Variants in STK33 observed in about 807,000 individuals in gnomAD.
STK33 encodes serine/threonine kinase 33.
In STK33, 52 loss-of-function variants were observed where a neutral mutation model predicts 58.0. The observed-to-expected ratio is 0.90, with a 90% CI of 0.72 to 1.13. STK33 has a LOEUF of 1.13. STK33 is among the 50% of genes most tolerant of loss of function. The pLI is 0.00. For synonymous variants in STK33, 215 were observed against 200.1 expected (o/e 1.07, Z -0.63); for missense variants, 630 against 604.2 (o/e 1.04, Z -0.45).
chr11:8,532,542 A>C (rs185834385), intron 1 of STK33, among the ~76,000 whole-genome samples: 1 of 152,224 alleles, frequency 6.6e-6, no homozygotes, highest in Non-Finnish European at 1.5e-5. Context: ...TCCAAACTTA[A>C]GCAGACTTTT....
chr11:8,448,614 C>T (rs1342477695), intron 11 of STK33, among the ~76,000 whole-genome samples: 6 of 152,114 alleles, frequency 3.9e-5, no homozygotes, highest in Non-Finnish European at 8.8e-5. Flanking sequence ...CTTCCTTACA[C>T]CTTATATAAA....
intron 1 of STK33, among the ~76,000 whole-genome samples, chr11:8,583,196 C>G (rs2030742965): frequency 6.6e-6 from 1 of 152,172 alleles, no homozygotes; most frequent in South Asian, 2.1e-4. Flanking sequence ...AGAAAATGAT[C>G]ATGTGTCCCC....
At chr11:8,491,576 T>C (rs1242361244) in intron 1 of STK33, among the ~76,000 whole-genome samples, 1 of 152,098 alleles carries the variant, frequency 6.6e-6, no homozygotes, top group African/African-American at 2.4e-5. Context: ...AACATTCAAA[T>C]TCAGGAAATA....
At chr11:8,500,102 G>T (rs139425479) in intron 1 of STK33, among the ~76,000 whole-genome samples, 1 of 151,808 alleles carries the variant, frequency 6.6e-6, no homozygotes, top group Non-Finnish European at 1.5e-5. Context: ...CATACTTAAC[G>T]GTGAAAGATT....
At chr11:8,418,282 C>T (rs117313673) in intron 14 of STK33, among the ~76,000 whole-genome samples, 7,281 of 152,040 alleles carry the variant, frequency 0.048, 251 homozygotes, top group Non-Finnish European at 0.065. Flanking sequence ...TGTTGTTCCC[C>T]TCTTTGTGTC....
At chr11:8,534,726 G>T (rs1406608244) in intron 1 of STK33, among the ~76,000 whole-genome samples, 1 of 151,938 alleles carries the variant, frequency 6.6e-6, no homozygotes, top group East Asian at 1.9e-4. Context: ...AAACAAATCT[G>T]TGGTTCCAGT....
At chr11:8,375,888 C>A in the STK33 span, among the ~76,000 whole-genome samples, 3 of 152,042 alleles carry the variant, frequency 2.0e-5, no homozygotes, top group Non-Finnish European at 4.4e-5. Context: ...AAGGAAAGGG[C>A]AAATTGGAAA....
intron 2 of STK33, among the ~76,000 whole-genome samples, chr11:8,480,151 G>T (rs1027186583): frequency 1.3e-5 from 2 of 152,126 alleles, no homozygotes; most frequent in South Asian, 2.1e-4. Flanking sequence ...AGTGGGTGCC[G>T]ATTTCCATCT....
intron 11 of STK33, among the ~76,000 whole-genome samples, chr11:8,446,465 T>G (rs1485082144): frequency 1.3e-5 from 2 of 152,106 alleles, no homozygotes; most frequent in Non-Finnish European, 2.9e-5. Flanking sequence ...AATTGGGATG[T>G]TAGGGTGTCG....
the STK33 span, among the ~76,000 whole-genome samples, chr11:8,349,922 G>C: frequency 6.6e-5 from 10 of 152,190 alleles, no homozygotes; most frequent in Non-Finnish European, 1.3e-4. Flanking sequence ...CTCATCTCAG[G>C]ATCTGTTTCA....
intron 1 of STK33, among the ~76,000 whole-genome samples, chr11:8,485,673 A>T (rs1230989490): frequency 6.6e-6 from 1 of 152,200 alleles, no homozygotes; most frequent in East Asian, 1.9e-4. Flanking sequence ...AGGAAATACA[A>T]GGCTAGGCTC....
intron 1 of STK33, among the ~76,000 whole-genome samples, chr11:8,523,564 G>GC (rs1953723652): frequency 6.7e-6 from 1 of 150,206 alleles, no homozygotes; most frequent in Admixed American, 6.6e-5. Flanking sequence ...CCCGGCAGCC[G>GC]CCCCATCTGG....
chr11:8,425,501 A>G (rs1942609569), intron 14 of STK33, among the ~76,000 whole-genome samples: 1 of 152,160 alleles, frequency 6.6e-6, no homozygotes, highest in Admixed American at 6.5e-5. Flanking sequence ...ACTTTAAAGT[A>G]GTTTTTTCCA....
intron 1 of STK33, among the ~76,000 whole-genome samples, chr11:8,507,969 C>A (rs1951998064): frequency 6.6e-6 from 1 of 152,146 alleles, no homozygotes; most frequent in South Asian, 2.1e-4. Context: ...CGGCTCACTG[C>A]AACTTCTGCC....
chr11:8,435,351 T>C lies in STK33; in HGVS notation c.1146+143A>G, dbSNP rs1943934992. The C allele has an allele frequency of 9.7e-6, 4 of 411,398 alleles. No individual in the cohort carries two copies. The East Asian group carries it at 1.5e-4, about 16-fold the overall frequency. The allele number at this position is 411,398 out of a possible 1,614,324, so 25.5% of individuals were successfully genotyped here. ...TTTGAAAATGCCCATTTTCAGAAAT[T>C]TGTCAAGACTCAATGTTTTTTAATT... On this transcript the variant is annotated intron_variant, in intron 14 of 15. Coordinates refer to ENST00000687296, the MANE Select transcript of STK33 (RefSeq NM_001352389.2).
Position 8,507,994 on chromosome 11 carries a change from G to A in STK33, c.-465-27380C>T, listed in dbSNP as rs543388903. Reference sequence around the variant, plus strand: ...CAACTTCTGCCTCCCAGGTTCAAGCGATTCTTCCATCTCAGCTTCCCAAGT... The same window carrying A: ...CAACTTCTGCCTCCCAGGTTCAAGCAATTCTTCCATCTCAGCTTCCCAAGT... On this transcript the variant is annotated intron_variant, in intron 1 of 15. Coordinates refer to ENST00000687296, the MANE Select transcript of STK33 (RefSeq NM_001352389.2). 2.8e-4 allele frequency among the ~76,000 whole-genome samples: 42 copies of A among 152,146 alleles called. No homozygotes were observed. In the South Asian group the frequency reaches 5.8e-3, roughly 21 times the overall value.
chr11:8,545,098 C>T (rs1161105317), intron 1 of STK33, among the ~76,000 whole-genome samples: 1 of 152,184 alleles, frequency 6.6e-6, no homozygotes, highest in Non-Finnish European at 1.5e-5. Context: ...AAATAGGAAG[C>T]TGCCTACCAG....
At chr11:8,446,999 A>G (rs542350012) in intron 11 of STK33, among the ~76,000 whole-genome samples, 1 of 152,360 alleles carries the variant, frequency 6.6e-6, no homozygotes, top group East Asian at 1.9e-4. Flanking sequence ...GCTTCTGCAC[A>G]GCAAAAGAAA....
intron 1 of STK33, among the ~76,000 whole-genome samples, chr11:8,577,378 A>C (rs1958264106): frequency 6.6e-6 from 1 of 152,126 alleles, no homozygotes; most frequent in Admixed American, 6.5e-5. Context: ...GAATATTAGG[A>C]GAACAAACAA....
Sources: gnomAD v4.1 joint callset for allele counts (sites outside exome capture counted in the v4.1 genomes callset) on GRCh38, gnomAD v4.1.1 for gene constraint, MANE v1.5 for transcripts, NCBI Gene and HGNC (gene_info 2026-07-23, HGNC 2026-07-21) for gene names.